The following UTP20 variants were observed in gnomAD, a reference collection of about 807,000 sequenced individuals.
UTP20 encodes small subunit processome component 20 homolog.
A neutral mutation model predicts 329.5 loss-of-function variants in UTP20; 164 were observed. That is an observed-to-expected ratio of 0.50 (90% CI 0.44 to 0.57). The LOEUF is 0.57. Ranked by LOEUF, UTP20 falls within the 20% of genes least tolerant of loss-of-function variation. The pLI, the probability that UTP20 is intolerant of heterozygous loss-of-function variation, is 0.00. For synonymous variants in UTP20, 1,151 were observed against 1,159.3 expected, an observed-to-expected ratio of 0.99 and a Z score of 0.14; for missense variants, 3,055 against 3,284.2, an observed-to-expected ratio of 0.93 and a Z score of 1.71.
intron 47 of UTP20, 26 bp downstream of exon 47, chr12:101,366,725 T>C (rs1164898380): frequency 1.2e-6 from 2 of 1,605,014 alleles, no homozygotes; most frequent in Non-Finnish European, 1.7e-6. Flanking sequence ...AAAATGAGAC[T>C]TGCTACTTTC....
At chr12:101,344,009 A>G (rs1004285251) in intron 35 of UTP20, among the ~76,000 whole-genome samples, 2 of 152,218 alleles carry the variant, frequency 1.3e-5, no homozygotes, top group Non-Finnish European at 2.9e-5. Flanking sequence ...ACCTTTGATT[A>G]TTGTTAATCA....
chr12:101,371,735 T>C (rs1000015666), intron 51 of UTP20, among the ~76,000 whole-genome samples: 1 of 152,030 alleles, frequency 6.6e-6, no homozygotes, highest in African/African-American at 2.4e-5. Context: ...GGTTTCACCA[T>C]GTTGGCCAGG....
intron 12 of UTP20, among the ~76,000 whole-genome samples, chr12:101,298,256 C>G (rs982918069): frequency 6.6e-6 from 1 of 151,954 alleles, no homozygotes; most frequent in Non-Finnish European, 1.5e-5. Flanking sequence ...AGCAAATAAG[C>G]GAGATGATTT....
intron 5 of UTP20, 37 bp downstream of exon 5, chr12:101,286,546 C>A: frequency 1.4e-6 from 2 of 1,457,450 alleles, no homozygotes; most frequent in Non-Finnish European, 9.1e-7. Context: ...TTTTTAATTG[C>A]CTGCTTCTTT....
intron 40 of UTP20, among the ~76,000 whole-genome samples, chr12:101,354,148 A>G (rs1593445576): frequency 6.6e-6 from 1 of 151,560 alleles, no homozygotes; most frequent in East Asian, 1.9e-4. Context: ...TGTAATCTCA[A>G]CTACTCAGGA....
chr12:101,372,907 C>G lies in UTP20; in HGVS notation c.6822C>G (p.Asp2274Glu), dbSNP rs765726286. The G allele has an allele frequency of 1.2e-6, 2 of 1,613,992 alleles. No homozygotes were observed. The highest frequency in any genetic ancestry group is 1.7e-6 in the Non-Finnish European group (2 of 1,179,956). Residue 2274 changes from aspartate to glutamate, a missense_variant, in exon 52 of 62, where the codon GAC (aspartate) becomes GAG (glutamate). Asp to Glu is a conservative substitution (Grantham distance 45, BLOSUM62 2). Coordinates refer to ENST00000261637, the MANE Select transcript of UTP20 (RefSeq NM_014503.3). ...AGGTTTTTCTGAAATATATTCTTGA[C>G]TATCCCCTGGGTGACAAATTGAGAC... is the stretch of plus-strand genomic sequence containing the variant. ...CRQVFLKYIL[D>E]YPLGDKLRPN...
chr12:101,320,049 C>T (rs989033702), intron 23 of UTP20, among the ~76,000 whole-genome samples: 3 of 152,146 alleles, frequency 2.0e-5, no homozygotes, highest in African/African-American at 7.2e-5. Context: ...TTACGTGGCC[C>T]TGAATTTCAG....
chr12:101,332,274 T>C (rs1050155811), intron 27 of UTP20, among the ~76,000 whole-genome samples: 9 of 151,872 alleles, frequency 5.9e-5, no homozygotes, highest in Non-Finnish European at 1.2e-4. Flanking sequence ...GAGGTGGAGG[T>C]TGCGGTGAGC....
rs768240288 is a variant in UTP20 at position 101,383,302 on chromosome 12, A to C, written c.7918A>C (p.Asn2640His). Residue 2640 changes from asparagine (N) to histidine (H), a missense_variant, in exon 59 of 62, where the codon AAC becomes CAC. Asn to His is a moderately conservative substitution (Grantham distance 68). Coordinates refer to ENST00000261637, the MANE Select transcript of UTP20 (RefSeq NM_014503.3). ...AKLEAAYSPR[N>H]PLKRTCIFKF... ...ACTGGAAGCTGCTTATTCGCCGAGA[A>C]ACCCCTTAAAGGTGCGATGAATGCA... The C allele has an allele frequency of 2.5e-6, 4 of 1,613,812 alleles. No homozygotes were observed. The East Asian group carries it at 6.7e-5, about 27-fold the overall frequency.
Position 101,280,303 on chromosome 12 carries a change from C to T in UTP20, c.21C>T (p.Ser7=), listed in dbSNP as rs770921321. 2 of 1,551,644 alleles carry T rather than the reference C, an allele frequency of 1.3e-6. No individual in the cohort carries two copies. The highest frequency in any genetic ancestry group is 2.7e-5 in the African/African-American group (2 of 73,058). Residue 7 remains serine, a synonymous_variant, in exon 1 of 62, where the codon TCC becomes TCT. Coordinates refer to ENST00000261637, the MANE Select transcript of UTP20 (RefSeq NM_014503.3). The part of the protein sequence containing the change: MKTKPV[S]HKTENTYRFL... ...CAGCCATGAAGACAAAGCCCGTTTC[C>T]CACAAGACCGAGAACACCTACCGGG...
intron 35 of UTP20, 88 bp downstream of exon 35, chr12:101,343,181 T>C (rs1330313005): frequency 7.5e-6 from 7 of 933,424 alleles, no homozygotes; most frequent in Non-Finnish European, 1.0e-5. Flanking sequence ...TTTAAATTTG[T>C]TTTTTGAGGG....
chr12:101,352,160 C>A lies in UTP20; in HGVS notation c.4990C>A (p.Gln1664Lys). The A allele has an allele frequency of 1.2e-6, 2 of 1,613,284 alleles. No homozygotes were observed. Among genetic ancestry groups the A allele is most frequent in the Middle Eastern group, 1.7e-4 (1 of 6,054 alleles). Residue 1664 changes from glutamine (Q) to lysine (K), a missense_variant, in exon 39 of 62, where the codon CAA (glutamine) becomes AAA (lysine). Coordinates refer to ENST00000261637, the MANE Select transcript of UTP20 (RefSeq NM_014503.3). ...CTTGAAACATTTCATTCATGTCTTA[C>A]AAACGGGACAGATCAATCAAAAACT... ...YYLKHFIHVL[Q>K]TGQINQKLGV...
intron 2 of UTP20, among the ~76,000 whole-genome samples, chr12:101,283,890 T>C (rs926669108): frequency 6.6e-6 from 1 of 152,136 alleles, no homozygotes; most frequent in Non-Finnish European, 1.5e-5. Flanking sequence ...TCTGCCTTTT[T>C]TTTTAATTTT....
intron 11 of UTP20, 39 bp downstream of exon 11, chr12:101,293,284 A>G (rs1227847988): frequency 6.3e-7 from 1 of 1,579,820 alleles, no homozygotes; most frequent in African/African-American, 1.3e-5. Flanking sequence ...TTTAAAAACA[A>G]ATCTGTCAGG....
At chr12:101,295,788 G>C in intron 12 of UTP20, 130 bp downstream of exon 12, 4 of 1,050,538 alleles carry the variant, frequency 3.8e-6, no homozygotes, top group Non-Finnish European at 5.3e-6. Flanking sequence ...TGTGAAAAAA[G>C]CAAGTTGTAG....
Position 101,285,558 on chromosome 12 carries a change from T to C in UTP20, c.127-12T>C. 6.2e-7 allele frequency: 1 copy of C among 1,613,322 alleles called. No homozygotes were observed. Among genetic ancestry groups the C allele is most frequent in the Non-Finnish European group, 8.5e-7 (1 of 1,179,594 alleles). ...GAGTTATTTGATTAATGGACTGCTT[T>C]AATCTTGACAGGAGGTTGAAACCTA... On this transcript the variant is annotated splice_polypyrimidine_tract_variant and intron_variant, in intron 2 of 61. Transcript: ENST00000261637.
At chr12:101,348,192 C>A (rs143863967) in intron 38 of UTP20, among the ~76,000 whole-genome samples, 1 of 152,272 alleles carries the variant, frequency 6.6e-6, no homozygotes, top group Admixed American at 6.5e-5. Context: ...AGGTTGGTTT[C>A]TTATTGGTAG....
chr12:101,328,835 C>G (rs1331619343), intron 26 of UTP20, among the ~76,000 whole-genome samples: 4 of 149,108 alleles, frequency 2.7e-5, no homozygotes, highest in South Asian at 2.1e-4. Flanking sequence ...CCCCAGTGCA[C>G]TCCAGCCTGG....
intron 51 of UTP20, among the ~76,000 whole-genome samples, chr12:101,371,909 C>A: frequency 6.6e-6 from 1 of 152,128 alleles, no homozygotes; most frequent in Non-Finnish European, 1.5e-5. Flanking sequence ...TATATCTATA[C>A]ATCTGTCAAT....
Sources: gnomAD v4.1 joint callset for allele counts (sites outside exome capture counted in the v4.1 genomes callset) on GRCh38, gnomAD v4.1.1 for gene constraint, MANE v1.5 for transcripts, NCBI Gene and HGNC (gene_info 2026-07-23, HGNC 2026-07-21) for gene names.